Variants in CUX2 observed in about 807,000 individuals in gnomAD.
CUX2 encodes homeobox protein cut-like 2.
CUX2 carries 40 observed loss-of-function variants against 144.8 expected under a neutral mutation model. The ratio of observed to expected loss-of-function variants is 0.28; its 90% CI spans 0.21 to 0.36. CUX2 has a LOEUF of 0.36. Among genes scored for constraint, CUX2 ranks in the 10% least tolerant of loss-of-function variants. The pLI, the probability that CUX2 is intolerant of heterozygous loss-of-function variation, is 1.00. For synonymous variants in CUX2, 827 were observed against 875.6 expected (o/e 0.94, Z 0.98); for missense variants, 1,615 against 1,994.0 (o/e 0.81, Z 3.62).
chr12:111,194,224 C>T (rs1880090707), intron 1 of CUX2, among the ~76,000 whole-genome samples: 1 of 152,100 alleles, frequency 6.6e-6, no homozygotes, highest in Non-Finnish European at 1.5e-5. Context: ...TGCTCATCAG[C>T]GAAACAGGAA....
rs546433058 is a variant in CUX2 at position 111,186,198 on chromosome 12, C to T, written c.64-28002C>T. Among the ~76,000 whole-genome samples the T allele has an allele frequency of 6.6e-6, 1 of 152,112 alleles. No homozygotes were observed. Among genetic ancestry groups the T allele is most frequent in the East Asian group, 1.9e-4 (1 of 5,168 alleles). On this transcript the variant is annotated intron_variant, in intron 1 of 21. Transcript: ENST00000261726. This position sits in a 1 kb window ranked among gnomAD's most constrained non-coding sequence, Gnocchi z 4.4. The stretch of plus-strand genomic sequence containing the variant: ...ATCCTGCCTTCCCTTCCCTTCTCTC[C>T]TTTCCCACATCAGCTATCTAAGGGC...
intron 4 of CUX2, among the ~76,000 whole-genome samples, chr12:111,269,591 G>A (rs1884542674): frequency 6.6e-6 from 1 of 152,148 alleles, no homozygotes; most frequent in Non-Finnish European, 1.5e-5. Context: ...CTAGTGCTTG[G>A]GGGTACAGAC....
intron 1 of CUX2, among the ~76,000 whole-genome samples, chr12:111,132,041 G>A (rs748683477): frequency 1.2e-4 from 19 of 152,200 alleles, no homozygotes; most frequent in African/African-American, 3.9e-4. Flanking sequence ...CCTAGCAAAC[G>A]TTCTCCATGA....
chr12:111,248,404 T>G (rs1275968828), intron 3 of CUX2, among the ~76,000 whole-genome samples: 1 of 152,190 alleles, frequency 6.6e-6, no homozygotes, highest in African/African-American at 2.4e-5. Flanking sequence ...AGGTTGGAAC[T>G]GAGTCAGAAG....
chr12:111,218,061 A>T (rs925456779), intron 3 of CUX2, 124 bp downstream of exon 3: 1 of 917,970 alleles, frequency 1.1e-6, no homozygotes, highest in Non-Finnish European at 1.8e-6. Flanking sequence ...CCCTGTCCCC[A>T]TTGCAAACTC....
In CUX2 at chr12:111,307,104, G is replaced by T; in HGVS notation, c.1042G>T (p.Ala348Ser). 1 of 1,612,976 alleles carries T rather than the reference G, an allele frequency of 6.2e-7. No homozygotes were observed. The highest frequency in any genetic ancestry group is 8.5e-7 in the Non-Finnish European group (1 of 1,179,146). Reference protein sequence around the residue: ...LERQLTAKSEAIEKLEEKLQA... With the variant: ...LERQLTAKSESIEKLEEKLQA... ...GCGGCAGCTCACGGCCAAGTCCGAG[G>T]CCATAGAAGTGGGTCCTGGGGAGGA... Residue 348 changes from alanine to serine, a missense_variant, in exon 11 of 22, where the codon GCC becomes TCC. Physicochemically the swap from Ala to Ser is moderately conservative, Grantham distance 99. Coordinates refer to ENST00000261726, the MANE Select transcript of CUX2 (RefSeq NM_015267.4). This position sits in a 1 kb window ranked among gnomAD's most constrained non-coding sequence, Gnocchi z 4.1.
Position 111,347,845 on chromosome 12 carries a change from C to T in CUX2, c.3981C>T (p.Pro1327=), listed in dbSNP as rs777190092. 5.4e-5 allele frequency: 87 copies of T among 1,614,078 alleles called. No homozygotes were observed. The highest frequency in any genetic ancestry group is 7.3e-5 in the Non-Finnish European group (86 of 1,180,026). The change falls in exon 22 of 22, where the codon CCC becomes CCT. Residue 1327 remains proline (P), a synonymous_variant. Transcript: ENST00000261726. ...GGGAGCTGGACAAAGGCCAAGGTCC[C>T]CCCAAAGAGGAGCATCCCGACCCTC... The part of the protein sequence containing the change: ...DSGELDKGQG[P]PKEEHPDPPG...
intron 1 of CUX2, among the ~76,000 whole-genome samples, chr12:111,102,205 G>A (rs1018518586): frequency 2.0e-5 from 3 of 152,172 alleles, no homozygotes; most frequent in African/African-American, 4.8e-5. Flanking sequence ...GGTGGGCCGC[G>A]CCAAATGCTG....
chr12:111,200,406 C>T (rs539562782), intron 1 of CUX2, among the ~76,000 whole-genome samples: 176 of 151,982 alleles, frequency 1.2e-3, no homozygotes, highest in Admixed American at 2.0e-3. Flanking sequence ...CTCCCTCCCC[C>T]ATTCTTTCCT....
At chr12:111,337,486 T>C (rs1888400172) in intron 19 of CUX2, among the ~76,000 whole-genome samples, 1 of 152,236 alleles carries the variant, frequency 6.6e-6, no homozygotes, top group African/African-American at 2.4e-5. Flanking sequence ...CGCCACAGTT[T>C]TTTACCCAAC....
intron 1 of CUX2, among the ~76,000 whole-genome samples, chr12:111,155,976 G>T (rs537869118): frequency 6.6e-6 from 1 of 151,814 alleles, no homozygotes; most frequent in Non-Finnish European, 1.5e-5. Context: ...AAGCAAACCC[G>T]CTCACAAGCC....
chr12:111,162,209 T>C (rs947071213), intron 1 of CUX2, among the ~76,000 whole-genome samples: 2 of 152,226 alleles, frequency 1.3e-5, no homozygotes, highest in Non-Finnish European at 2.9e-5. Flanking sequence ...AGGTGAGAAC[T>C]GCCCCTGGCC....
chr12:111,197,255 C>A (rs1481167631), intron 1 of CUX2, among the ~76,000 whole-genome samples: 1 of 152,224 alleles, frequency 6.6e-6, no homozygotes, highest in Non-Finnish European at 1.5e-5. Context: ...TCAGTGCCTA[C>A]CACTTAGTCA....
At chr12:111,116,941 T>A (rs1425279921) in intron 1 of CUX2, among the ~76,000 whole-genome samples, 1 of 152,222 alleles carries the variant, frequency 6.6e-6, no homozygotes, top group Admixed American at 6.5e-5. Flanking sequence ...GGACTGTGAC[T>A]GGCCTGAGGT....
chr12:111,077,283 C>T lies in CUX2; in HGVS notation c.63+43043C>T, dbSNP rs145233209. Reference sequence around the variant, plus strand: ...AGTTGAAAGAGGCCTTTCCTTGAAACGCGCAGCCGTGTGGCAGGGCCCGGG... The same window carrying T: ...AGTTGAAAGAGGCCTTTCCTTGAAATGCGCAGCCGTGTGGCAGGGCCCGGG... On this transcript the variant is annotated intron_variant, in intron 1 of 21. Transcript: ENST00000261726. The surrounding 1 kb of genome is among the most constrained non-coding windows in gnomAD (Gnocchi z 4.1). 2.7e-3 allele frequency among the ~76,000 whole-genome samples: 404 copies of T among 152,314 alleles called. 2 individuals are homozygous for T. Among genetic ancestry groups the T allele is most frequent in the Non-Finnish European group, 4.2e-3 (288 of 68,030 alleles).
intron 4 of CUX2, among the ~76,000 whole-genome samples, chr12:111,268,588 G>A (rs1287301646): frequency 6.6e-6 from 1 of 152,228 alleles, no homozygotes; most frequent in Non-Finnish European, 1.5e-5. Flanking sequence ...AGAGCTGATG[G>A]CACAGCTGCA....
At position 111,327,061 on chromosome 12, in the gene CUX2, C is replaced by A. The variant is rs189481580; in HGVS notation, c.2926+4481C>A. The stretch of plus-strand genomic sequence containing the variant: ...TTCCCACCGCCCCAAAAAGGAACCC[C>A]ATACCCATCCAGCAGTCATTGCCCA... On this transcript the variant is annotated intron_variant, in intron 18 of 21. Coordinates refer to ENST00000261726, the MANE Select transcript of CUX2 (RefSeq NM_015267.4). Among the ~76,000 whole-genome samples, 576 of 152,308 alleles carry A rather than the reference C, an allele frequency of 3.8e-3. 2 individuals are homozygous for A. The highest frequency in any genetic ancestry group is 0.012 in the African/African-American group (519 of 41,570).
intron 1 of CUX2, among the ~76,000 whole-genome samples, chr12:111,049,561 C>T (rs1272862269): frequency 6.6e-6 from 1 of 152,198 alleles, no homozygotes; most frequent in Admixed American, 6.5e-5. Context: ...AAACACTGGC[C>T]CTGCAGGCCT....
chr12:111,211,649 G>A (rs1377657995), intron 1 of CUX2, among the ~76,000 whole-genome samples: 1 of 152,166 alleles, frequency 6.6e-6, no homozygotes, highest in Non-Finnish European at 1.5e-5. Flanking sequence ...ATTTTGGGAG[G>A]CCGAGGTGGG....
Sources: allele counts gnomAD v4.1 joint callset (sites outside exome capture counted in the v4.1 genomes callset), GRCh38; gene constraint gnomAD v4.1.1; non-coding constraint Gnocchi (gnomAD v3.1); transcripts MANE v1.5; gene names NCBI Gene and HGNC (gene_info 2026-07-23, HGNC 2026-07-21).